DMD: variants seen among roughly 807,000 people sequenced by gnomAD.
The protein encoded by DMD is mutant dystrophin.
A neutral mutation model predicts 330.1 loss-of-function variants in DMD; 63 were observed. The observed-to-expected ratio is 0.19, with a 90% CI of 0.16 to 0.24. The LOEUF (loss-of-function observed/expected upper bound fraction) is 0.24. Ranked by LOEUF, DMD falls within the 10% of genes least tolerant of loss-of-function variation. The pLI, the probability that DMD is intolerant of heterozygous loss-of-function variation, is 1.00. For missense variants in DMD, 3,344 were observed against 2,684.1 expected (o/e 1.25, Z -5.43); for synonymous variants, 1,223 against 959.8 (o/e 1.27, Z -5.07).
At chrX:32,662,999 T>A in intron 9 of DMD, among the ~76,000 whole-genome samples, 1 of 112,108 alleles carries the variant, frequency 8.9e-6, no homozygotes, top group Non-Finnish European at 1.9e-5. Context: ...TAATTGACCA[T>A]CTTTAGCGAT....
At chrX:31,627,955 T>C in intron 54 of DMD, 93 bp from the exon 55 acceptor site, 4 of 844,268 alleles carry the variant, frequency 4.7e-6, no homozygotes, top group African/African-American at 2.0e-5. Context: ...AGGAACTAAA[T>C]TGTAATATAC....
chrX:32,748,410 T>A (rs944158382), intron 7 of DMD, among the ~76,000 whole-genome samples: 1 of 109,919 alleles, frequency 9.1e-6, no homozygotes, highest in Non-Finnish European at 1.9e-5. Flanking sequence ...GGGTGGGGCA[T>A]TTAATCCTGT....
chrX:33,225,634 G>A (rs1222949536), intron 1 of DMD, among the ~76,000 whole-genome samples: 1 of 111,540 alleles, frequency 9.0e-6, no homozygotes, highest in Non-Finnish European at 1.9e-5. Flanking sequence ...ACATACAGGA[G>A]AGTCTTCAGG....
chrX:32,516,896 A>C (rs1026713049), intron 18 of DMD: 3 of 112,242 alleles, frequency 2.7e-5, no homozygotes, highest in African/African-American at 9.7e-5. Context: ...TGACAACAGC[A>C]TGTCTTATAA....
At chrX:32,450,392 A>T (rs1405604449) in intron 26 of DMD, among the ~76,000 whole-genome samples, 1 of 111,368 alleles carries the variant, frequency 9.0e-6, no homozygotes, top group Non-Finnish European at 1.9e-5. Context: ...ATTGATTGAA[A>T]TCTTTAGTTC....
chrX:31,646,561 G>C (rs925595966), intron 54 of DMD, among the ~76,000 whole-genome samples: 2 of 111,149 alleles, frequency 1.8e-5, no homozygotes, highest in South Asian at 3.8e-4. Context: ...GTAACACTGC[G>C]GTCTTGGGTA....
At chrX:33,191,658 A>G (rs958206492) in intron 1 of DMD, among the ~76,000 whole-genome samples, 2 of 111,875 alleles carry the variant, frequency 1.8e-5, no homozygotes, top group African/African-American at 6.5e-5. Context: ...TCCTGGCCTC[A>G]AGTGATCTTC....
chrX:32,946,203 A>C (rs2090794235), intron 2 of DMD, among the ~76,000 whole-genome samples: 1 of 111,591 alleles, frequency 9.0e-6, no homozygotes, highest in African/African-American at 3.3e-5. Flanking sequence ...AAATATAAAA[A>C]AATTAAGGCT....
At chrX:32,588,697 G>C (rs2054555914) in intron 13 of DMD, among the ~76,000 whole-genome samples, 1 of 111,648 alleles carries the variant, frequency 9.0e-6, no homozygotes, top group African/African-American at 3.3e-5. Flanking sequence ...CAAGGACTTT[G>C]GGGGCTTATG....
At chrX:33,314,577 T>TG (rs1180235976) in intron 1 of DMD, among the ~76,000 whole-genome samples, 25 of 99,764 alleles carry the variant, frequency 2.5e-4, no homozygotes, top group Admixed American at 4.4e-4. Flanking sequence ...TTTGTTTTTT[T>TG]TTTTTTTTTT....
chrX:31,825,696 T>C (rs1347017524), intron 49 of DMD, among the ~76,000 whole-genome samples: 1 of 111,982 alleles, frequency 8.9e-6, no homozygotes, highest in African/African-American at 3.2e-5. Context: ...TATAACACTG[T>C]ATCACTAAAC....
intron 59 of DMD, among the ~76,000 whole-genome samples, chrX:31,454,399 C>T (rs1301109566): frequency 8.9e-6 from 1 of 112,247 alleles, no homozygotes; most frequent in Non-Finnish European, 1.9e-5. Flanking sequence ...GCCTCGGCCT[C>T]CCAAAGTGCT....
chrX:32,574,165 CAAGT>C (rs1320926012), intron 13 of DMD, among the ~76,000 whole-genome samples: 2 of 111,221 alleles, frequency 1.8e-5, no homozygotes, highest in South Asian at 3.7e-4. Context: ...GCAGTGAGAA[CAAGT>C]AAAAGGTGTA....
At chrX:33,121,732 C>T (rs1171257342) in intron 1 of DMD, among the ~76,000 whole-genome samples, 1 of 111,593 alleles carries the variant, frequency 9.0e-6, no homozygotes, top group Non-Finnish European at 1.9e-5. Flanking sequence ...CCCTAGAAAC[C>T]TCCAAGGTAA....
At chrX:33,338,879 C>T (rs772162527) in intron 1 of DMD, among the ~76,000 whole-genome samples, 12 of 111,453 alleles carry the variant, frequency 1.1e-4, no homozygotes, top group Non-Finnish European at 1.9e-4. Context: ...TCTGAATATG[C>T]CAATACATCA....
In DMD at chrX:32,411,896, C is replaced by T. The variant is rs956187688; in HGVS notation, c.4089G>A (p.Lys1363=). 4.1e-6 allele frequency: 5 copies of T among 1,210,729 alleles called. No homozygotes were observed. Among genetic ancestry groups the T allele is most frequent in the African/African-American group, 1.7e-5 (1 of 57,651 alleles). Residue 1363 remains lysine, a synonymous_variant, in exon 30 of 79, where the codon AAG becomes AAA. Coordinates refer to ENST00000357033, the MANE Select transcript of DMD (RefSeq NM_004006.3). ...ELHEEAVRRQ[K]LLEQSIQSAQ... ...CAGACTGGATGCTCTGTTCAAGCAA[C>T]TTTTGCCTCCTTACAGCCTAAAAAG...
At chrX:33,100,690 TCAAAAAA>T (rs1021328727) in intron 1 of DMD, among the ~76,000 whole-genome samples, 9 of 111,296 alleles carry the variant, frequency 8.1e-5, no homozygotes, top group African/African-American at 2.3e-4. Flanking sequence ...AAACTCCGTC[TCAAAAAA>T]CAAAAAACAA....
rs766071560 is a variant in DMD at position 31,251,004 on chromosome X, C to T, written c.9286+9951G>A. On this transcript the variant is annotated intron_variant, in intron 63 of 78. Coordinates refer to ENST00000357033, the MANE Select transcript of DMD (RefSeq NM_004006.3). ...GGCTGAGGCAGGAAAATCGCTTGAA[C>T]CCGGGAGGCAGAGTTTGCAGTGAGC... 1.6e-4 allele frequency among the ~76,000 whole-genome samples: 17 copies of T among 109,324 alleles called. No homozygotes were observed. The Admixed American group carries it at 1.6e-3, about 10-fold the overall frequency. 94.9% of individuals were successfully genotyped at this position (109,324 alleles called of 115,157 possible).
intron 44 of DMD, among the ~76,000 whole-genome samples, chrX:32,171,105 T>C (rs148354007): frequency 8.2e-4 from 92 of 112,069 alleles, no homozygotes; most frequent in African/African-American, 2.7e-3. Context: ...TATATTGATA[T>C]GAAAAGATCT....
Sources: allele counts gnomAD v4.1 joint callset (sites outside exome capture counted in the v4.1 genomes callset), GRCh38; gene constraint gnomAD v4.1.1; transcripts MANE v1.5; gene names NCBI Gene and HGNC (gene_info 2026-07-23, HGNC 2026-07-21).